Variants in ATP9B observed in about 807,000 individuals in gnomAD.
ATP9B encodes probable phospholipid-transporting ATPase IIB.
Under a neutral mutation model 146.1 loss-of-function variants are expected in ATP9B, and 110 were observed. The ratio of observed to expected loss-of-function variants is 0.75; its 90% CI spans 0.65 to 0.88. The LOEUF is 0.88. Ranked by LOEUF, ATP9B falls within the 40% of genes least tolerant of loss-of-function variation. The pLI, the probability that ATP9B is intolerant of heterozygous loss-of-function variation, is 0.00. For synonymous variants in ATP9B, 604 were observed against 569.7 expected, an observed-to-expected ratio of 1.06 and a Z score of -0.86; for missense variants, 1,499 against 1,496.4, an observed-to-expected ratio of 1.00 and a Z score of -0.03.
intron 1 of ATP9B, among the ~76,000 whole-genome samples, chr18:79,083,532 G>C (rs1186264302): frequency 6.6e-6 from 1 of 152,172 alleles, no homozygotes; most frequent in Non-Finnish European, 1.5e-5. Flanking sequence ...GGGCCCTGGT[G>C]GTGTAGGCAT....
intron 15 of ATP9B, among the ~76,000 whole-genome samples, chr18:79,326,651 G>A (rs2096748904): frequency 6.6e-6 from 1 of 152,248 alleles, no homozygotes; most frequent in Non-Finnish European, 1.5e-5. Context: ...GCCCTGCTGT[G>A]TCAAGTTCAA....
At chr18:79,190,690 C>G (rs115734463) in intron 8 of ATP9B, among the ~76,000 whole-genome samples, 7 of 151,984 alleles carry the variant, frequency 4.6e-5, no homozygotes, top group Admixed American at 3.9e-4. Flanking sequence ...GGACTACAGA[C>G]GTGCAGCAGC....
intron 9 of ATP9B, among the ~76,000 whole-genome samples, chr18:79,199,422 T>G (rs1187452721): frequency 6.6e-6 from 1 of 152,230 alleles, no homozygotes; most frequent in African/African-American, 2.4e-5. Flanking sequence ...GTCTGTAGTC[T>G]TTTTTAGTTT....
At chr18:79,200,750 T>TGGGGACTGTCAGGGTCAGAGCAGAGGC (rs2095470870) in intron 9 of ATP9B, among the ~76,000 whole-genome samples, 2 of 73,880 alleles carry the variant, frequency 2.7e-5, no homozygotes, top group African/African-American at 1.2e-4. Flanking sequence ...AGAGCAGAGG[T>TGGGGACTGTCAGGGTCAGAGCAGAGGC]GGAGGTGGGA....
At chr18:79,340,310 G>A (rs549937493) in intron 19 of ATP9B, 13 of 152,082 alleles carry the variant, frequency 8.5e-5, no homozygotes, top group Admixed American at 2.0e-4. Context: ...TGTAAAGTCT[G>A]ACTTCAGATG....
chr18:79,253,404 C>CA lies in ATP9B; in HGVS notation c.1133dup (p.Asn378LysfsTer66). ...AGGTTGGTTTGTTGGACCTTGAACT[C>CA]AATCGGCTGACGAAAGCGCTATTTT... is the stretch of plus-strand genomic sequence containing the variant. On this transcript the variant is annotated frameshift_variant, in exon 12 of 30. Coordinates refer to ENST00000426216, the MANE Select transcript of ATP9B (RefSeq NM_198531.5). LOFTEE classifies it high-confidence loss of function. 6.2e-7 allele frequency: 1 copy of CA among 1,610,604 alleles called. No individual in the cohort carries two copies. Among genetic ancestry groups the CA allele is most frequent in the Non-Finnish European group, 8.5e-7 (1 of 1,179,164 alleles).
intron 26 of ATP9B, chr18:79,364,265 C>CAAAAA (rs950562390): frequency 1.1e-5 from 1 of 95,142 alleles, no homozygotes; most frequent in Admixed American, 1.2e-4. Context: ...AACTCCGTCT[C>CAAAAA]AAAAAAAAAA....
At chr18:79,278,106 A>T (rs1272326066) in intron 13 of ATP9B, among the ~76,000 whole-genome samples, 1 of 152,234 alleles carries the variant, frequency 6.6e-6, no homozygotes, top group Non-Finnish European at 1.5e-5. Flanking sequence ...GTGGCAGATT[A>T]TGGATTAAAA....
intron 26 of ATP9B, among the ~76,000 whole-genome samples, chr18:79,369,434 G>A (rs926497364): frequency 2.0e-5 from 3 of 151,446 alleles, no homozygotes; most frequent in African/African-American, 7.3e-5. Flanking sequence ...TCGGGAGGCT[G>A]AGGTAGGAGA....
At chr18:79,279,176 C>T (rs547480767) in intron 13 of ATP9B, among the ~76,000 whole-genome samples, 6 of 152,038 alleles carry the variant, frequency 3.9e-5, no homozygotes, top group South Asian at 2.1e-4. Context: ...GCTTTCCCAA[C>T]GTGGAGAGGC....
intron 2 of ATP9B, among the ~76,000 whole-genome samples, chr18:79,104,611 TTATAA>T (rs60834518): frequency 0.13 from 20,217 of 152,148 alleles, 1,917 homozygotes; most frequent in African/African-American, 0.27. Flanking sequence ...TAGGTTTTAC[TTATAA>T]TATACTCCTT....
intron 1 of ATP9B, among the ~76,000 whole-genome samples, chr18:79,078,990 C>T (rs2072949059): frequency 6.6e-6 from 1 of 152,198 alleles, no homozygotes; most frequent in South Asian, 2.1e-4. Flanking sequence ...AGGACATGAA[C>T]TCATCCTTTT....
chr18:79,375,582 G>A (rs1029526044), intron 29 of ATP9B, 156 bp downstream of exon 29: 28 of 985,092 alleles, frequency 2.8e-5, no homozygotes, highest in Non-Finnish European at 3.1e-5. Context: ...GTGCTTGCTC[G>A]GCTAGTCATG....
At chr18:79,350,639 C>T (rs557673380) in intron 25 of ATP9B, among the ~76,000 whole-genome samples, 25 of 152,306 alleles carry the variant, frequency 1.6e-4, no homozygotes, top group East Asian at 3.9e-4. Flanking sequence ...CTCAGCTTTC[C>T]GTGAATTCCA....
intron 13 of ATP9B, among the ~76,000 whole-genome samples, chr18:79,297,303 A>G (rs1156717896): frequency 1.3e-5 from 2 of 151,372 alleles, no homozygotes; most frequent in African/African-American, 4.9e-5. Context: ...CAGACGACCC[A>G]GAGAGGAGAA....
At chr18:79,359,562 T>A (rs751862530) in intron 26 of ATP9B, 100 bp downstream of exon 26, 2 of 903,214 alleles carry the variant, frequency 2.2e-6, no homozygotes, top group Non-Finnish European at 3.6e-6. Flanking sequence ...TTCCAGGCAT[T>A]TTGTGAAAAA....
At chr18:79,117,107 T>C (rs8097017) in intron 4 of ATP9B, 9 of 152,070 alleles carry the variant, frequency 5.9e-5, no homozygotes, top group African/African-American at 2.2e-4. Flanking sequence ...GAAAAGTGTT[T>C]AATAACATAA....
intron 25 of ATP9B, chr18:79,353,402 T>C (rs2096932658): frequency 6.6e-6 from 1 of 152,262 alleles, no homozygotes; most frequent in African/African-American, 2.4e-5. Context: ...AGCTGTGATC[T>C]CCACAGACTG....
chr18:79,189,276 G>A (rs1162279737), intron 8 of ATP9B, among the ~76,000 whole-genome samples: 1 of 152,116 alleles, frequency 6.6e-6, no homozygotes, highest in East Asian at 1.9e-4. Flanking sequence ...GAACCTGGGA[G>A]GCGGAGGTTG....
Sources: gnomAD v4.1 joint callset for allele counts (sites outside exome capture counted in the v4.1 genomes callset) on GRCh38, gnomAD v4.1.1 for gene constraint, MANE v1.5 for transcripts, NCBI Gene and HGNC (gene_info 2026-07-23, HGNC 2026-07-21) for gene names.